The following BAZ2B variants were observed in gnomAD, a reference collection of about 807,000 sequenced individuals.
The protein encoded by BAZ2B is bromodomain adjacent to zinc finger domain protein 2B.
A neutral mutation model predicts 246.0 loss-of-function variants in BAZ2B; 91 were observed. The observed-to-expected ratio is 0.37, with a 90% CI of 0.31 to 0.44. The LOEUF is 0.44. Ranked by LOEUF, BAZ2B falls within the 20% of genes least tolerant of loss-of-function variation. BAZ2B has a pLI of 1.00. For missense variants in BAZ2B, 2,332 were observed against 2,533.7 expected, an observed-to-expected ratio of 0.92 and a Z score of 1.71; for synonymous variants, 855 against 860.0, an observed-to-expected ratio of 0.99 and a Z score of 0.10.
At chr2:159,479,829 T>C (rs1559570390) in intron 2 of BAZ2B, among the ~76,000 whole-genome samples, 1 of 152,174 alleles carries the variant, frequency 6.6e-6, no homozygotes, top group Non-Finnish European at 1.5e-5. Context: ...AGAAAGACCA[T>C]TTCAATGAGC....
chr2:159,396,910 T>C (rs780445380), intron 19 of BAZ2B, among the ~76,000 whole-genome samples: 4 of 152,140 alleles, frequency 2.6e-5, no homozygotes, highest in Admixed American at 6.6e-5. Context: ...CATACTTCTT[T>C]ATAGACAGAC....
At chr2:159,406,067 C>T (rs1474903482) in intron 14 of BAZ2B, among the ~76,000 whole-genome samples, 1 of 152,222 alleles carries the variant, frequency 6.6e-6, no homozygotes, top group African/African-American at 2.4e-5. Flanking sequence ...CCCAATTCTT[C>T]ATTTCTCCTT....
chr2:159,340,130 A>T, intron 31 of BAZ2B, among the ~76,000 whole-genome samples: 1 of 152,124 alleles, frequency 6.6e-6, no homozygotes, highest in East Asian at 1.9e-4. Context: ...TAAAAAATAC[A>T]AGACTAGATC....
chr2:159,670,475 T>C, the BAZ2B span, among the ~76,000 whole-genome samples: 1 of 152,130 alleles, frequency 6.6e-6, no homozygotes, highest in African/African-American at 2.4e-5. Flanking sequence ...TGCAAGCATA[T>C]AGGTCCCTTT....
the BAZ2B span, among the ~76,000 whole-genome samples, chr2:159,635,624 T>C: frequency 6.6e-6 from 1 of 151,924 alleles, no homozygotes; most frequent in South Asian, 2.1e-4. Context: ...TTTTTTCTTG[T>C]CTGGTTCTGC....
intron 14 of BAZ2B, 101 bp from the exon 15 acceptor site, chr2:159,405,215 ATTACTT>A (rs920323302): frequency 5.4e-6 from 5 of 933,756 alleles, no homozygotes; most frequent in Non-Finnish European, 7.5e-6. Flanking sequence ...GGATATAATT[ATTACTT>A]TTTTTTTTGA....
chr2:159,592,658 C>T (rs757027169), intron 1 of BAZ2B, among the ~76,000 whole-genome samples: 1 of 152,128 alleles, frequency 6.6e-6, no homozygotes, highest in Non-Finnish European at 1.5e-5. Flanking sequence ...GAACTAAGTC[C>T]TCCCACCAAC....
At chr2:159,553,239 A>G (rs1181200713) in intron 2 of BAZ2B, among the ~76,000 whole-genome samples, 2 of 151,962 alleles carry the variant, frequency 1.3e-5, no homozygotes, top group African/African-American at 4.8e-5. Context: ...TACTAAAAAT[A>G]CAAAAATTAG....
intron 13 of BAZ2B, among the ~76,000 whole-genome samples, chr2:159,422,821 G>GTA (rs2069004976): frequency 6.6e-6 from 1 of 151,836 alleles, no homozygotes; most frequent in Non-Finnish European, 1.5e-5. Flanking sequence ...TCTGACAAAG[G>GTA]TGCAATATCT....
At chr2:159,471,542 A>T (rs577913207) in intron 3 of BAZ2B, among the ~76,000 whole-genome samples, 1 of 152,230 alleles carries the variant, frequency 6.6e-6, no homozygotes, top group South Asian at 2.1e-4. Context: ...GTGAGCTGTG[A>T]TCACACCACT....
intron 10 of BAZ2B, among the ~76,000 whole-genome samples, chr2:159,429,584 A>G (rs1047528883): frequency 1.3e-5 from 2 of 152,102 alleles, no homozygotes; most frequent in African/African-American, 4.8e-5. Flanking sequence ...AGGTTTCAGA[A>G]AATCTATTTA....
intron 11 of BAZ2B, 81 bp from the exon 12 acceptor site, chr2:159,428,500 A>G: frequency 2.0e-6 from 2 of 1,022,342 alleles, no homozygotes; most frequent in Non-Finnish European, 2.9e-6. Flanking sequence ...TAAAGTATAC[A>G]TGTTCTCTAG....
chr2:159,493,444 T>A (rs1352360786), intron 2 of BAZ2B, among the ~76,000 whole-genome samples: 1 of 152,178 alleles, frequency 6.6e-6, no homozygotes, highest in Admixed American at 6.5e-5. Context: ...TTAAAACTGT[T>A]AAAACATGAG....
chr2:159,478,002 A>C (rs1006910711), intron 3 of BAZ2B, among the ~76,000 whole-genome samples: 5 of 152,124 alleles, frequency 3.3e-5, no homozygotes, highest in Admixed American at 6.5e-5. Flanking sequence ...TTGTATTTTT[A>C]GTAGAGATGA....
intron 1 of BAZ2B, among the ~76,000 whole-genome samples, chr2:159,582,826 T>G (rs892075908): frequency 1.3e-5 from 2 of 152,240 alleles, no homozygotes; most frequent in Non-Finnish European, 2.9e-5. Flanking sequence ...ACTGAAGCGT[T>G]ACCTATAAAA....
At chr2:159,521,394 T>C (rs1409130509) in intron 2 of BAZ2B, among the ~76,000 whole-genome samples, 1 of 152,088 alleles carries the variant, frequency 6.6e-6, no homozygotes, top group Non-Finnish European at 1.5e-5. Flanking sequence ...CAAAGACAGA[T>C]ACAGATGTGT....
chr2:159,387,588 T>C (rs1198992917), intron 21 of BAZ2B, among the ~76,000 whole-genome samples: 1 of 152,150 alleles, frequency 6.6e-6, no homozygotes, highest in Non-Finnish European at 1.5e-5. Context: ...GCTCATCTCA[T>C]ACAAATATTT....
chr2:159,368,697 A>G (rs2060482482), intron 27 of BAZ2B, among the ~76,000 whole-genome samples: 1 of 152,116 alleles, frequency 6.6e-6, no homozygotes, highest in Non-Finnish European at 1.5e-5. Flanking sequence ...TTTTAGATCC[A>G]TTATCTGACA....
At chr2:159,476,364 C>G (rs536035601) in intron 3 of BAZ2B, among the ~76,000 whole-genome samples, 1 of 152,242 alleles carries the variant, frequency 6.6e-6, no homozygotes, top group East Asian at 1.9e-4. Context: ...ATTATACTTT[C>G]ATTCAATGTA....
Sources: allele counts gnomAD v4.1 joint callset (sites outside exome capture counted in the v4.1 genomes callset), GRCh38; gene constraint gnomAD v4.1.1; transcripts MANE v1.5; gene names NCBI Gene and HGNC (gene_info 2026-07-23, HGNC 2026-07-21).